The following KCNJ6 variants were observed in gnomAD, a reference collection of about 807,000 sequenced individuals.
KCNJ6 encodes the protein potassium inwardly rectifying channel subfamily J member 6.
In KCNJ6, 9 loss-of-function variants were observed where a neutral mutation model predicts 34.2. That is an observed-to-expected ratio of 0.26 (90% confidence interval 0.16 to 0.46). The LOEUF is 0.46. Among genes scored for constraint, KCNJ6 ranks in the 20% least tolerant of loss-of-function variants. The pLI is 1.00. For missense variants in KCNJ6, 236 were observed against 531.3 expected, an observed-to-expected ratio of 0.44 and a Z score of 5.46; for synonymous variants, 196 against 207.1, an observed-to-expected ratio of 0.95 and a Z score of 0.46.
chr21:37,643,736 C>T (rs1448885175), intron 3 of KCNJ6, among the ~76,000 whole-genome samples: 1 of 152,170 alleles, frequency 6.6e-6, no homozygotes, highest in Non-Finnish European at 1.5e-5. Context: ...CTCCCTTTGC[C>T]ACACATTTGC....
intron 1 of KCNJ6, among the ~76,000 whole-genome samples, chr21:37,858,392 C>CAA (rs60814205): frequency 0.37 from 20,455 of 54,884 alleles, 4,840 homozygotes; most frequent in Admixed American, 0.48. Flanking sequence ...GACTCCGTCT[C>CAA]AAAAAAAAAA....
chr21:37,698,024 G>C (rs937282781), intron 3 of KCNJ6, among the ~76,000 whole-genome samples: 1 of 152,164 alleles, frequency 6.6e-6, no homozygotes, highest in African/African-American at 2.4e-5. Flanking sequence ...GACAGAGCAA[G>C]CCCAAAAGGA....
intron 3 of KCNJ6, among the ~76,000 whole-genome samples, chr21:37,697,262 CTGGTT>C (rs1052977334): frequency 3.3e-5 from 5 of 152,144 alleles, no homozygotes; most frequent in Admixed American, 1.3e-4. Flanking sequence ...GAGAGCTAAA[CTGGTT>C]TGAGGAGGGA....
intron 3 of KCNJ6, among the ~76,000 whole-genome samples, chr21:37,691,180 G>T (rs1290489230): frequency 6.6e-6 from 1 of 152,216 alleles, no homozygotes; most frequent in African/African-American, 2.4e-5. Flanking sequence ...TGAGAGTGCA[G>T]GGTTTCCAAC....
chr21:37,882,232 G>A (rs1347939884), intron 1 of KCNJ6, among the ~76,000 whole-genome samples: 1 of 152,190 alleles, frequency 6.6e-6, no homozygotes, highest in Non-Finnish European at 1.5e-5. Context: ...AGTGTGAGCA[G>A]GAGGGGGTTG....
intron 2 of KCNJ6, among the ~76,000 whole-genome samples, chr21:37,825,971 C>T (rs1193387211): frequency 6.6e-6 from 1 of 152,132 alleles, no homozygotes; most frequent in Non-Finnish European, 1.5e-5. Context: ...TTGGGAGCTA[C>T]AATTCAAGAT....
intron 1 of KCNJ6, among the ~76,000 whole-genome samples, chr21:37,894,187 C>T (rs2055776601): frequency 6.6e-6 from 1 of 152,212 alleles, no homozygotes; most frequent in Non-Finnish European, 1.5e-5. Flanking sequence ...GAACACAAGT[C>T]ACTTAGCAGA....
chr21:37,905,640 C>A lies in KCNJ6; in HGVS notation c.-28+10244G>T, dbSNP rs58463214. Among the ~76,000 whole-genome samples, 1,439 of 152,298 alleles carry A rather than the reference C, an allele frequency of 9.4e-3. 25 individuals carry two copies. Among genetic ancestry groups the A allele is most frequent in the African/African-American group, 0.033 (1,363 of 41,554 alleles). ...GCAGATACCAGCCCTTATTAATGTT[C>A]TCCTCCCTCACTTAAACTCTAGCAC... On this transcript the variant is annotated intron_variant, in intron 1 of 3. Transcript: ENST00000609713.
chr21:37,738,820 T>G (rs749099132), intron 2 of KCNJ6, among the ~76,000 whole-genome samples: 1 of 152,234 alleles, frequency 6.6e-6, no homozygotes, highest in Non-Finnish European at 1.5e-5. Context: ...ATGGATTAAG[T>G]GCTGGATAAT....
In KCNJ6 at chr21:37,682,183, C is replaced by A. The variant is rs1356895953; in HGVS notation, c.946+32028G>T. Among the ~76,000 whole-genome samples the A allele has an allele frequency of 2.0e-5, 3 of 152,174 alleles. 1 individual carries two copies. In the South Asian group the frequency reaches 6.2e-4, roughly 31 times the overall value. The stretch of plus-strand genomic sequence containing the variant: ...TTGGAGGCTTAGAACAATAAAAAAT[C>A]ATTCCTTCCCATTTCTGGAGGCCAG... On this transcript the variant is annotated intron_variant, in intron 3 of 3. Transcript: ENST00000609713.
At chr21:37,886,980 G>A (rs542409296) in intron 1 of KCNJ6, among the ~76,000 whole-genome samples, 4 of 143,076 alleles carry the variant, frequency 2.8e-5, no homozygotes, top group African/African-American at 7.9e-5. Flanking sequence ...CCTCTGTTCC[G>A]GCTGACAGAC....
chr21:37,861,112 A>G (rs746056578), intron 1 of KCNJ6, among the ~76,000 whole-genome samples: 3 of 152,220 alleles, frequency 2.0e-5, no homozygotes, highest in African/African-American at 4.8e-5. Context: ...GGACTACATC[A>G]ATCTTTGTTT....
intron 1 of KCNJ6, among the ~76,000 whole-genome samples, chr21:37,867,779 G>A (rs750533538): frequency 8.5e-5 from 13 of 152,202 alleles, no homozygotes; most frequent in Non-Finnish European, 1.9e-4. Context: ...ATCAGGCAGC[G>A]AAGAGACTGG....
intron 1 of KCNJ6, among the ~76,000 whole-genome samples, chr21:37,872,277 G>A (rs2055656237): frequency 6.6e-6 from 1 of 152,168 alleles, no homozygotes; most frequent in Admixed American, 6.5e-5. Flanking sequence ...AGACCTAGAA[G>A]TCTAATCAAG....
chr21:37,855,909 C>T (rs992488543), intron 1 of KCNJ6, among the ~76,000 whole-genome samples: 6 of 152,344 alleles, frequency 3.9e-5, no homozygotes, highest in South Asian at 2.1e-4. Context: ...TGGCCAAGCA[C>T]GGCCAGGGGC....
chr21:37,866,029 A>G (rs79671273), intron 1 of KCNJ6, among the ~76,000 whole-genome samples: 4 of 152,194 alleles, frequency 2.6e-5, no homozygotes, highest in Non-Finnish European at 5.9e-5. Flanking sequence ...TGCTGTGAAG[A>G]TATTTTGTGG....
chr21:37,627,521 T>G (rs2054316563), intron 3 of KCNJ6, among the ~76,000 whole-genome samples: 1 of 152,188 alleles, frequency 6.6e-6, no homozygotes, highest in African/African-American at 2.4e-5. Flanking sequence ...GAAAAGGTGA[T>G]CCAATAACTC....
intron 2 of KCNJ6, among the ~76,000 whole-genome samples, chr21:37,803,879 G>A (rs966897538): frequency 6.6e-5 from 10 of 152,142 alleles, no homozygotes; most frequent in Admixed American, 6.5e-4. Context: ...CAGGGACACT[G>A]GATAGAGGGG....
intron 2 of KCNJ6, among the ~76,000 whole-genome samples, chr21:37,768,667 CT>C (rs1375755693): frequency 2.0e-5 from 3 of 152,176 alleles, no homozygotes; most frequent in Admixed American, 6.5e-5. Flanking sequence ...AACATATACA[CT>C]CTTAGATGTA....
Sources: allele counts gnomAD v4.1 joint callset (sites outside exome capture counted in the v4.1 genomes callset), GRCh38; gene constraint gnomAD v4.1.1; transcripts MANE v1.5; gene names NCBI Gene and HGNC (gene_info 2026-07-23, HGNC 2026-07-21).